The following FGFR2 variants were observed in gnomAD, a reference collection of about 807,000 sequenced individuals.
FGFR2 encodes the protein fibroblast growth factor receptor 2.
In FGFR2, 19 loss-of-function variants were observed where a neutral mutation model predicts 95.9. The ratio of observed to expected loss-of-function variants is 0.20; its 90% CI spans 0.14 to 0.29. The LOEUF (loss-of-function observed/expected upper bound fraction) is 0.29, where lower values mean the gene tolerates loss of function less well. FGFR2 is among the 10% of genes least tolerant of loss of function. The pLI, the probability that FGFR2 is intolerant of heterozygous loss-of-function variation, is 1.00. For synonymous variants in FGFR2, 392 were observed against 393.3 expected (o/e 1.00, Z 0.04); for missense variants, 707 against 1,056.9 (o/e 0.67, Z 4.59).
At chr10:121,514,643 C>A in intron 9 of FGFR2, among the ~76,000 whole-genome samples, 1 of 152,072 alleles carries the variant, frequency 6.6e-6, no homozygotes. Context: ...CAGATGCACC[C>A]CCAGGGCATA....
intron 1 of FGFR2, among the ~76,000 whole-genome samples, chr10:121,597,100 G>A (rs893924470): frequency 5.9e-5 from 9 of 152,224 alleles, no homozygotes; most frequent in African/African-American, 2.2e-4. Context: ...AGGGTCTGGA[G>A]AACGGTCTGC....
At chr10:121,524,796 G>A (rs919514851) in intron 6 of FGFR2, among the ~76,000 whole-genome samples, 5 of 152,202 alleles carry the variant, frequency 3.3e-5, no homozygotes, top group African/African-American at 1.2e-4. Flanking sequence ...CAAAGGGGAC[G>A]ATGACCCAAA....
At chr10:121,542,240 A>G (rs573580324) in intron 5 of FGFR2, among the ~76,000 whole-genome samples, 1 of 152,242 alleles carries the variant, frequency 6.6e-6, no homozygotes, top group Non-Finnish European at 1.5e-5. Flanking sequence ...TGAAAGTATA[A>G]GCCTGACTAT....
rs752519660 is a variant in FGFR2 at position 121,518,859 on chromosome 10, G to A, written c.939+1120C>T. On this transcript the variant is annotated intron_variant, in intron 7 of 17. Transcript: ENST00000358487. The surrounding 1 kb of genome is among the most constrained non-coding windows in gnomAD (Gnocchi z 4.0). ...AACAGACACAGGAGAACAATATAAC[G>A]GCCAACCAGGAAGGTCTTAGCATTG... 1.2e-5 allele frequency: 20 copies of A among 1,613,598 alleles called. No individual in the cohort carries two copies. The highest frequency in any genetic ancestry group is 1.7e-5 in the Admixed American group (1 of 59,984).
chr10:121,556,258 A>T (rs1274365221), intron 4 of FGFR2, among the ~76,000 whole-genome samples: 1 of 152,170 alleles, frequency 6.6e-6, no homozygotes, highest in Non-Finnish European at 1.5e-5. Flanking sequence ...ACAGGTATTG[A>T]TTCTGTCAAC....
At chr10:121,585,321 T>C (rs969339136) in intron 2 of FGFR2, among the ~76,000 whole-genome samples, 3 of 152,214 alleles carry the variant, frequency 2.0e-5, no homozygotes, top group Non-Finnish European at 2.9e-5. Flanking sequence ...ATGCTTCTCA[T>C]CAGACAATTA....
In FGFR2 at chr10:121,571,294, C is replaced by CTTTTT. The variant is rs35943673; in HGVS notation, c.110-5595_110-5591dup. ...ACAGGCGTGAGCCACCGTGCCTGGCCTTTTTTTTTTTTTTTTTTTTTTTTG... is the reference window on the plus strand; with the variant it reads ...ACAGGCGTGAGCCACCGTGCCTGGCCTTTTTTTTTTTTTTTTTTTTTTTTTTTTTG... On this transcript the variant is annotated intron_variant, in intron 2 of 17. Coordinates refer to ENST00000358487, the MANE Select transcript of FGFR2 (RefSeq NM_000141.5). Among the ~76,000 whole-genome samples the CTTTTT allele has an allele frequency of 4.3e-4, 17 of 39,318 alleles. 1 individual carries two copies. Among genetic ancestry groups the CTTTTT allele is most frequent in the African/African-American group, 6.1e-4 (6 of 9,916 alleles). The allele number at this position is 39,318 out of a possible 152,430, so 25.8% of individuals were successfully genotyped here.
At chr10:121,557,436 G>A (rs1273937694) in intron 4 of FGFR2, among the ~76,000 whole-genome samples, 1 of 152,054 alleles carries the variant, frequency 6.6e-6, no homozygotes, top group Non-Finnish European at 1.5e-5. Context: ...AGCCTCCCAA[G>A]TAACTGGGAC....
In FGFR2 at chr10:121,589,852, T is replaced by C. The variant is rs188855250; in HGVS notation, c.109+3857A>G. ...CAACTCTTAAATATTAACACTCATATTGAAAAACAAAGATGCAGATAATAC... is the reference window on the plus strand; with the variant it reads ...CAACTCTTAAATATTAACACTCATACTGAAAAACAAAGATGCAGATAATAC... On this transcript the variant is annotated intron_variant, in intron 2 of 17. Transcript: ENST00000358487. Among the ~76,000 whole-genome samples the C allele has an allele frequency of 3.4e-3, 524 of 152,384 alleles. 3 individuals carry two copies. The highest frequency in any genetic ancestry group is 0.012 in the African/African-American group (495 of 41,588).
chr10:121,541,608 G>A lies in FGFR2; in HGVS notation c.625-2893C>T, dbSNP rs143722268. Among the ~76,000 whole-genome samples the A allele has an allele frequency of 4.6e-3, 698 of 152,232 alleles. 5 individuals are homozygous for A. Among genetic ancestry groups the A allele is most frequent in the Non-Finnish European group, 5.1e-3 (346 of 68,022 alleles). ...CAGTTAGGCCAAATGCACATACACC[G>A]TCTTTGCTTTCAGAGAAGAGGGAAT... On this transcript the variant is annotated intron_variant, in intron 5 of 17. Coordinates refer to ENST00000358487, the MANE Select transcript of FGFR2 (RefSeq NM_000141.5).
chr10:121,595,783 G>A (rs1863349798), intron 1 of FGFR2, among the ~76,000 whole-genome samples: 1 of 152,230 alleles, frequency 6.6e-6, no homozygotes, highest in African/African-American at 2.4e-5. Flanking sequence ...TCCCTGCCCA[G>A]AGGAGCCTCC....
intron 4 of FGFR2, among the ~76,000 whole-genome samples, chr10:121,557,808 C>T (rs1293269808): frequency 6.6e-6 from 1 of 152,110 alleles, no homozygotes; most frequent in African/African-American, 2.4e-5. Flanking sequence ...TGACTTTGAA[C>T]TGTTATCGGC....
At chr10:121,569,560 A>T (rs1021351931) in intron 2 of FGFR2, among the ~76,000 whole-genome samples, 1 of 152,226 alleles carries the variant, frequency 6.6e-6, no homozygotes, top group Non-Finnish European at 1.5e-5. Flanking sequence ...AAGTGATTTT[A>T]CAGGAGTCCC....
At chr10:121,588,443 A>G (rs1163971331) in intron 2 of FGFR2, among the ~76,000 whole-genome samples, 1 of 152,042 alleles carries the variant, frequency 6.6e-6, no homozygotes, top group African/African-American at 2.4e-5. Flanking sequence ...CAAGTTCTTG[A>G]CCAAACTACA....
chr10:121,573,650 G>C (rs1859215911), intron 2 of FGFR2, among the ~76,000 whole-genome samples: 1 of 144,974 alleles, frequency 6.9e-6, no homozygotes, highest in Non-Finnish European at 1.5e-5. Context: ...GAGGAAGAAA[G>C]AGAGGGGAAG....
chr10:121,566,504 C>T (rs1857692154), intron 2 of FGFR2, among the ~76,000 whole-genome samples: 1 of 152,170 alleles, frequency 6.6e-6, no homozygotes, highest in Non-Finnish European at 1.5e-5. Flanking sequence ...TGCTCACCAA[C>T]ACCCACCACA....
intron 6 of FGFR2, among the ~76,000 whole-genome samples, chr10:121,525,949 C>A (rs1465764166): frequency 1.3e-5 from 2 of 152,074 alleles, no homozygotes; most frequent in Non-Finnish European, 2.9e-5. Flanking sequence ...GAGCATTTCT[C>A]CCCAAAAGTT....
rs1171095092 is a variant in FGFR2 at position 121,551,421 on chromosome 10, G to A, written c.493C>T (p.Arg165Trp). The change falls in exon 5 of 18, where the codon CGG (arginine) becomes TGG (tryptophan). Residue 165 changes from arginine to tryptophan, a missense_variant. Arg to Trp is a moderately radical substitution (Grantham distance 101, BLOSUM62 -3). Transcript: ENST00000358487. ...TTGGCCGCAGGCACAGCATGGAGCC[G>A]CTTTTCCATCTTTTCTGTGTTGGTC... ...YWTNTEKMEK[R>W]LHAVPAANTV... 7.4e-6 allele frequency: 12 copies of A among 1,613,926 alleles called. No individual in the cohort carries two copies. Among genetic ancestry groups the A allele is most frequent in the African/African-American group, 1.3e-5 (1 of 74,900 alleles).
chr10:121,521,321 G>A (rs112301775), intron 6 of FGFR2, among the ~76,000 whole-genome samples: 2,017 of 152,244 alleles, frequency 0.013, 49 homozygotes, highest in African/African-American at 0.046. Context: ...TCGAGAACAC[G>A]TTCTCAACAA....
Sources: allele counts gnomAD v4.1 joint callset (sites outside exome capture counted in the v4.1 genomes callset), GRCh38; gene constraint gnomAD v4.1.1; non-coding constraint Gnocchi (gnomAD v3.1); transcripts MANE v1.5; gene names NCBI Gene and HGNC (gene_info 2026-07-23, HGNC 2026-07-21).